Variants in PCMTD1 observed in about 807,000 individuals in gnomAD.
The protein encoded by PCMTD1 is protein-L-isoaspartate O-methyltransferase domain-containing protein 1.
A neutral mutation model predicts 37.6 loss-of-function variants in PCMTD1; 12 were observed. The observed-to-expected ratio is 0.32, with a 90% CI of 0.20 to 0.52. The LOEUF (loss-of-function observed/expected upper bound fraction) is 0.52. Among genes scored for constraint, PCMTD1 ranks in the 20% least tolerant of loss-of-function variants. PCMTD1 has a pLI of 0.97. For synonymous variants in PCMTD1, 117 were observed against 135.8 expected (o/e 0.86, Z 0.96); for missense variants, 235 against 421.3 (o/e 0.56, Z 3.87).
intron 3 of PCMTD1, among the ~76,000 whole-genome samples, chr8:51,840,814 C>A (rs923551321): frequency 3.9e-5 from 6 of 152,074 alleles, no homozygotes; most frequent in Non-Finnish European, 8.8e-5. Flanking sequence ...AATGAATTGC[C>A]TCCCCGACCC....
chr8:51,839,543 C>A, intron 3 of PCMTD1: 1 of 985,332 alleles, frequency 1.0e-6, no homozygotes, highest in Non-Finnish European at 1.2e-6. Context: ...CCAACTTGCC[C>A]ATATAATTCT....
At chr8:51,883,960 T>C (rs1233546171) in intron 1 of PCMTD1, among the ~76,000 whole-genome samples, 7 of 152,068 alleles carry the variant, frequency 4.6e-5, no homozygotes. Context: ...ATAAAGAAAA[T>C]CATAAAATTA....
At chr8:51,887,169 T>C (rs1386133833) in intron 1 of PCMTD1, among the ~76,000 whole-genome samples, 1 of 152,174 alleles carries the variant, frequency 6.6e-6, no homozygotes, top group African/African-American at 2.4e-5. Flanking sequence ...CTTTAATTCA[T>C]CTGCAACCTT....
chr8:51,829,218 G>A (rs2037965148), intron 5 of PCMTD1, among the ~76,000 whole-genome samples: 1 of 152,022 alleles, frequency 6.6e-6, no homozygotes, highest in Admixed American at 6.6e-5. Context: ...TTTGATGGTG[G>A]CTCCCATTAG....
chr8:51,871,970 A>G (rs2038645893), intron 1 of PCMTD1, among the ~76,000 whole-genome samples: 1 of 152,176 alleles, frequency 6.6e-6, no homozygotes, highest in South Asian at 2.1e-4. Flanking sequence ...ATATTCACAG[A>G]TGTAGCTTCC....
rs758979089 is a variant in PCMTD1, at chr8:51,831,458, T to C, written c.692A>G (p.Asp231Gly). 1.2e-6 allele frequency: 2 copies of C among 1,613,066 alleles called. No individual in the cohort carries two copies. The highest frequency in any genetic ancestry group is 1.7e-6 in the Non-Finnish European group (2 of 1,179,672). Residue 231 changes from aspartate to glycine, a missense_variant, in exon 5 of 6, where the codon GAT becomes GGT. Physicochemically the swap from Asp to Gly is moderately conservative, Grantham distance 94. Coordinates refer to ENST00000522514, the MANE Select transcript of PCMTD1 (RefSeq NM_052937.4). ...QPSKNDNGKPDSVGLPPCAVR... is the reference protein window; with the variant it reads ...QPSKNDNGKPGSVGLPPCAVR... Reference sequence around the variant, plus strand: ...GAGCTACTTACGGAGTCCCACAGAATCTGGTTTGCCATTATCATTCTTACT... The same window carrying C: ...GAGCTACTTACGGAGTCCCACAGAACCTGGTTTGCCATTATCATTCTTACT...
chr8:51,898,002 G>A (rs1484920844), intron 1 of PCMTD1, among the ~76,000 whole-genome samples: 1 of 152,024 alleles, frequency 6.6e-6, no homozygotes, highest in Non-Finnish European at 1.5e-5. Flanking sequence ...TGGGTAGTAA[G>A]AAGGAGAAAT....
intron 1 of PCMTD1, among the ~76,000 whole-genome samples, chr8:51,892,917 G>C (rs1235167490): frequency 6.6e-6 from 1 of 152,176 alleles, no homozygotes; most frequent in African/African-American, 2.4e-5. Context: ...GGGGAAAATG[G>C]GAGGCTGAGG....
intron 1 of PCMTD1, among the ~76,000 whole-genome samples, chr8:51,873,899 T>G (rs1219766959): frequency 6.6e-6 from 1 of 150,926 alleles, no homozygotes; most frequent in Non-Finnish European, 1.5e-5. Flanking sequence ...AGGTATTTCT[T>G]TTTTTTTTCT....
intron 2 of PCMTD1, among the ~76,000 whole-genome samples, chr8:51,860,016 G>A (rs2038448626): frequency 6.6e-6 from 1 of 152,128 alleles, no homozygotes; most frequent in Non-Finnish European, 1.5e-5. Flanking sequence ...AAACTTCATG[G>A]TTGGTCATCC....
chr8:51,850,031 G>A (rs999894835), intron 2 of PCMTD1: 2 of 701,740 alleles, frequency 2.9e-6, no homozygotes, highest in East Asian at 2.7e-5. Context: ...ATAAAGTTCT[G>A]AAGATGAAAT....
intron 2 of PCMTD1, among the ~76,000 whole-genome samples, chr8:51,851,405 A>G (rs1431091166): frequency 2.6e-5 from 4 of 152,248 alleles, no homozygotes; most frequent in African/African-American, 9.6e-5. Context: ...TAAGTAAACC[A>G]TATCTCTAAA....
At chr8:51,837,052 T>C (rs1259272666) in intron 3 of PCMTD1, among the ~76,000 whole-genome samples, 1 of 152,176 alleles carries the variant, frequency 6.6e-6, no homozygotes. Context: ...ATGACAGGTT[T>C]TTCTTGGGCC....
At chr8:51,882,319 T>A (rs2038802657) in intron 1 of PCMTD1, among the ~76,000 whole-genome samples, 1 of 152,220 alleles carries the variant, frequency 6.6e-6, no homozygotes, top group Non-Finnish European at 1.5e-5. Context: ...CTCACCATTA[T>A]GATCTTAATT....
intron 2 of PCMTD1, among the ~76,000 whole-genome samples, chr8:51,850,335 AT>A (rs2038287052): frequency 6.6e-6 from 1 of 152,248 alleles, no homozygotes; most frequent in Admixed American, 6.5e-5. Context: ...AAGCATAATT[AT>A]AACCTACATA....
At chr8:51,870,199 G>C (rs1168302496) in intron 1 of PCMTD1, 1 of 152,168 alleles carries the variant, frequency 6.6e-6, no homozygotes, top group African/African-American at 2.4e-5. Context: ...TCCTTTCTCT[G>C]CAAAACTGAG....
intron 1 of PCMTD1, 146 bp from the exon 2 acceptor site, chr8:51,861,392 A>T (rs1049987501): frequency 7.4e-6 from 4 of 543,432 alleles, no homozygotes; most frequent in Non-Finnish European, 1.2e-5. Flanking sequence ...CTTCTTAACT[A>T]TATTATTTTA....
chr8:51,858,336 T>C (rs1486538754), intron 2 of PCMTD1, among the ~76,000 whole-genome samples: 1 of 152,154 alleles, frequency 6.6e-6, no homozygotes, highest in Non-Finnish European at 1.5e-5. Flanking sequence ...GCACCTGTTA[T>C]CCCTATCTTG....
chr8:51,879,019 G>A (rs1462114539), intron 1 of PCMTD1, among the ~76,000 whole-genome samples: 1 of 151,976 alleles, frequency 6.6e-6, no homozygotes, highest in African/African-American at 2.4e-5. Context: ...CCAGCGACTC[G>A]GAACTCTGAG....
Sources: allele counts gnomAD v4.1 joint callset (sites outside exome capture counted in the v4.1 genomes callset), GRCh38; gene constraint gnomAD v4.1.1; transcripts MANE v1.5; gene names NCBI Gene and HGNC (gene_info 2026-07-23, HGNC 2026-07-21).